Variants in NMRK2 observed in about 807,000 individuals in gnomAD.
NMRK2 encodes NRK 2.
Under a neutral mutation model 24.7 loss-of-function variants are expected in NMRK2, and 34 were observed. The ratio of observed to expected loss-of-function variants is 1.37; its 90% CI spans 1.05 to 1.83. The LOEUF is 1.83. Among genes scored for constraint, NMRK2 ranks in the 40% most tolerant of loss-of-function variants. The pLI is 0.00. For missense variants in NMRK2, 341 were observed against 315.0 expected, an observed-to-expected ratio of 1.08 and a Z score of -0.62; for synonymous variants, 145 against 125.6, an observed-to-expected ratio of 1.15 and a Z score of -1.03.
chr19:3,933,765 C>T, intron 2 of NMRK2, 68 bp downstream of exon 2: 2 of 1,334,038 alleles, frequency 1.5e-6, no homozygotes, highest in Non-Finnish European at 1.9e-6. Flanking sequence ...GAGGGGGAGG[C>T]CCGGGAATGA....
At position 3,942,217 on chromosome 19, in the gene NMRK2, C is replaced by A. The variant is rs369195071; in HGVS notation, c.637C>A (p.Arg213Ser). The change falls in exon 8 of 8, where the codon CGC becomes AGC. Residue 213 changes from arginine (R) to serine (S), a missense_variant. Coordinates refer to ENST00000168977, the MANE Select transcript of NMRK2 (RefSeq NM_170678.3). ...ARPARTQGPG[R>S]GCGHRTARPA... ...CCCAGCCAGGACACAGGGACCCGGA[C>A]GCGGATGCGGCCACAGAACGGCCAG... is the stretch of plus-strand genomic sequence containing the variant. The A allele has an allele frequency of 2.5e-6, 4 of 1,612,690 alleles. No individual in the cohort carries two copies. Among genetic ancestry groups the A allele is most frequent in the Non-Finnish European group, 3.4e-6 (4 of 1,179,930 alleles).
intron 4 of NMRK2, among the ~76,000 whole-genome samples, chr19:3,938,290 G>A (rs1174169338): frequency 4.3e-5 from 5 of 115,368 alleles, no homozygotes; most frequent in Admixed American, 1.8e-4. Flanking sequence ...ACTATACCCC[G>A]GGGTCCGCCC....
At chr19:3,936,519 AC>A (rs773754847) in intron 2 of NMRK2, 55 bp from the exon 3 acceptor site, 27 of 1,352,324 alleles carry the variant, frequency 2.0e-5, no homozygotes, top group Non-Finnish European at 2.6e-5. Context: ...CCTTCTGAGC[AC>A]CCTGACCTTC....
Position 3,941,182 on chromosome 19 carries a change from GC to G in NMRK2, c.502+9del. ...AGGCCAACGGTGTGGAAGTGGGTAA[GC>G]CCCTGAGCATGACCAGGCCTTGCCC... On this transcript the variant is annotated splice_donor_region_variant and intron_variant, in intron 7 of 7. Coordinates refer to ENST00000168977, the MANE Select transcript of NMRK2 (RefSeq NM_170678.3). 1 of 1,200,780 alleles carries G rather than the reference GC, an allele frequency of 8.3e-7. No individual in the cohort carries two copies. The highest frequency in any genetic ancestry group is 1.2e-6 in the Non-Finnish European group (1 of 863,114). 74.4% of individuals were successfully genotyped at this position (1,200,780 alleles called of 1,614,324 possible).
intron 3 of NMRK2, among the ~76,000 whole-genome samples, chr19:3,936,978 G>A (rs1245973570): frequency 6.6e-6 from 1 of 152,152 alleles, no homozygotes; most frequent in Non-Finnish European, 1.5e-5. Context: ...TGGCTTTCTG[G>A]GTGAATACCC....
chr19:3,936,632 C>T lies in NMRK2; in HGVS notation c.84C>T (p.Asn28=). 1 of 1,574,070 alleles carries T rather than the reference C, an allele frequency of 6.4e-7. No homozygotes were observed. Among genetic ancestry groups the T allele is most frequent in the Non-Finnish European group, 8.6e-7 (1 of 1,159,974 alleles). ...ACAGCCTGCTCAGAGCCCTGCCCAACTGCTGCGTGATCCATCAGGATGACT... is the reference window on the plus strand; with the variant it reads ...ACAGCCTGCTCAGAGCCCTGCCCAATTGCTGCGTGATCCATCAGGATGACT... ...LTNSLLRALP[N]CCVIHQDDFF... Residue 28 remains asparagine, a synonymous_variant, in exon 3 of 8, where the codon AAC becomes AAT. Coordinates refer to ENST00000168977, the MANE Select transcript of NMRK2 (RefSeq NM_170678.3).
chr19:3,938,819 C>CTTT, intron 5 of NMRK2, 60 bp downstream of exon 5: 9 of 330,180 alleles, frequency 2.7e-5, no homozygotes, highest in Non-Finnish European at 3.8e-5. Flanking sequence ...ATAGCCATCT[C>CTTT]TTGTTTTTTT....
Position 3,939,890 on chromosome 19 carries a change from C to T in NMRK2, c.324-10C>T. The T allele has an allele frequency of 6.2e-7, 1 of 1,612,120 alleles. No homozygotes were observed. The highest frequency in any genetic ancestry group is 1.1e-5 in the South Asian group (1 of 91,004). ...ACAGGTGCTGACCGTGTCTCCCCCACTCCGCCCAGGCCCCTGGTGGACTTG... is the reference window on the plus strand; with the variant it reads ...ACAGGTGCTGACCGTGTCTCCCCCATTCCGCCCAGGCCCCTGGTGGACTTG... On this transcript the variant is annotated splice_polypyrimidine_tract_variant and intron_variant, in intron 5 of 7. Coordinates refer to ENST00000168977, the MANE Select transcript of NMRK2 (RefSeq NM_170678.3).
In NMRK2 at chr19:3,938,836, T is replaced by TG. The variant is rs1568180841; in HGVS notation, c.323+77_323+78insG. ...AGCCATCTCTTGTTTTTTTTTTTTT[T>TG]TTTTTTTGTTTTGTTTTTTTTTTTT... On this transcript the variant is annotated intron_variant, in intron 5 of 7. Coordinates refer to ENST00000168977, the MANE Select transcript of NMRK2 (RefSeq NM_170678.3). 5.7e-4 allele frequency: 326 copies of TG among 572,808 alleles called. 2 individuals are homozygous for TG. The highest frequency in any genetic ancestry group is 4.1e-3 in the African/African-American group (92 of 22,394). 35.5% of individuals were successfully genotyped at this position (572,808 alleles called of 1,614,324 possible).
intron 2 of NMRK2, among the ~76,000 whole-genome samples, 173 bp downstream of exon 2, chr19:3,933,870 T>A (rs2039164001): frequency 6.6e-6 from 1 of 150,836 alleles, no homozygotes; most frequent in Non-Finnish European, 1.5e-5. Context: ...GTGTCCCCAG[T>A]GGGAAGGGGG....
At chr19:3,934,037 C>G (rs890085002) in intron 2 of NMRK2, among the ~76,000 whole-genome samples, 12 of 152,088 alleles carry the variant, frequency 7.9e-5, no homozygotes, top group Admixed American at 2.0e-4. Context: ...CACCTGAGGT[C>G]AGGAATTTGA....
At chr19:3,941,955 G>T in intron 7 of NMRK2, 128 bp from the exon 8 acceptor site, 1 of 718,464 alleles carries the variant, frequency 1.4e-6, no homozygotes, top group Non-Finnish European at 2.3e-6. Flanking sequence ...CTTGCTGTTG[G>T]TCCAGGAAAC....
chr19:3,938,520 G>A, intron 4 of NMRK2, 83 bp from the exon 5 acceptor site: 1 of 1,309,426 alleles, frequency 7.6e-7, no homozygotes, highest in Non-Finnish European at 1.0e-6. Context: ...CGTCCCCTGG[G>A]GTCCGCCCTC....
intron 5 of NMRK2, among the ~76,000 whole-genome samples, chr19:3,939,096 G>A (rs775162553): frequency 1.6e-4 from 25 of 151,594 alleles, no homozygotes; most frequent in Non-Finnish European, 2.9e-4. Context: ...CCATCCGCCC[G>A]CCTCGGACTC....
Position 3,936,556 on chromosome 19 carries a change from G to C in NMRK2, c.27-19G>C, listed in dbSNP as rs544428504. 14 of 1,532,874 alleles carry C rather than the reference G, an allele frequency of 9.1e-6. 1 individual carries two copies. The East Asian group carries it at 1.7e-4, about 19-fold the overall frequency. The allele number at this position is 1,532,874 out of a possible 1,614,324, so 95.0% of individuals were successfully genotyped here. ...TTGGGGGGAGCCCAGGCAGTCTCAT[G>C]CACACGCTGTCTCCCCAGCATGACC... On this transcript the variant is annotated intron_variant, in intron 2 of 7. Transcript: ENST00000168977.
intron 2 of NMRK2, among the ~76,000 whole-genome samples, chr19:3,934,565 T>G (rs115768054): frequency 0.6 from 79,651 of 132,452 alleles, 22,339 homozygotes; most frequent in East Asian, 0.86. Flanking sequence ...TTTTTTTTTT[T>G]GGGGGGGGGG....
At chr19:3,941,003 C>G in intron 6 of NMRK2, 68 bp from the exon 7 acceptor site, 1 of 1,042,282 alleles carries the variant, frequency 9.6e-7, no homozygotes. Flanking sequence ...TTCAGGCCCC[C>G]CACCGGGGGT....
chr19:3,938,593 C>T lies in NMRK2; in HGVS notation c.167-10C>T. On this transcript the variant is annotated splice_polypyrimidine_tract_variant and intron_variant, in intron 4 of 7. Transcript: ENST00000168977. ...CTGCCCTCCTGCAATGCCTGCTCCCCTTTCCCCAGTGCTGGAGTCTCTGGA... is the reference window on the plus strand; with the variant it reads ...CTGCCCTCCTGCAATGCCTGCTCCCTTTTCCCCAGTGCTGGAGTCTCTGGA... 4 of 1,556,254 alleles carry T rather than the reference C, an allele frequency of 2.6e-6. No individual in the cohort carries two copies. Among genetic ancestry groups the T allele is most frequent in the Non-Finnish European group, 3.5e-6 (4 of 1,147,604 alleles).
chr19:3,936,710 G>C, intron 3 of NMRK2, 45 bp downstream of exon 3: 1 of 1,499,066 alleles, frequency 6.7e-7, no homozygotes, highest in Non-Finnish European at 9.0e-7. Flanking sequence ...GGGGATGCAG[G>C]GTGGGCAGCC....
Sources: allele counts gnomAD v4.1 joint callset (sites outside exome capture counted in the v4.1 genomes callset), GRCh38; gene constraint gnomAD v4.1.1; transcripts MANE v1.5; gene names NCBI Gene and HGNC (gene_info 2026-07-23, HGNC 2026-07-21).